The following GSG1L variants were observed in gnomAD, a reference collection of about 807,000 sequenced individuals.
GSG1L encodes GSG1 like, also known as germ cell-specific gene 1-like protein.
GSG1L carries 24 observed loss-of-function variants against 42.1 expected under a neutral mutation model. The ratio of observed to expected loss-of-function variants is 0.57; its 90% CI spans 0.41 to 0.80. The LOEUF (loss-of-function observed/expected upper bound fraction) is 0.80, where lower values mean the gene tolerates loss of function less well. Among genes scored for constraint, GSG1L ranks in the 30% least tolerant of loss-of-function variants. The probability of loss-of-function intolerance (pLI) is 0.00; values close to 1 mark genes in which losing one functional copy is unlikely to be tolerated. For missense variants in GSG1L, 445 were observed against 472.2 expected (o/e 0.94, Z 0.53); for synonymous variants, 215 against 203.5 (o/e 1.06, Z -0.48).
intron 3 of GSG1L, among the ~76,000 whole-genome samples, chr16:27,858,727 G>A (rs1281776763): frequency 6.6e-6 from 1 of 152,218 alleles, no homozygotes; most frequent in Non-Finnish European, 1.5e-5. Flanking sequence ...GCCAAGGCAG[G>A]AGGATTGCTT....
intron 4 of GSG1L, 101 bp downstream of exon 4, chr16:27,844,848 TC>T (rs1214807425): frequency 2.2e-5 from 3 of 136,718 alleles, no homozygotes; most frequent in South Asian, 7.5e-5. Context: ...CCATTTCTCC[TC>T]CCCCCCACCG....
chr16:28,052,655 A>C (rs1369305629), intron 1 of GSG1L, among the ~76,000 whole-genome samples: 1 of 152,190 alleles, frequency 6.6e-6, no homozygotes, highest in Non-Finnish European at 1.5e-5. Flanking sequence ...AGAGCCCCCC[A>C]CTGACCTGCT....
At chr16:27,943,566 CTTTTTTTTT>C (rs11385465) in intron 2 of GSG1L, among the ~76,000 whole-genome samples, 15 of 67,720 alleles carry the variant, frequency 2.2e-4, no homozygotes, top group African/African-American at 3.0e-4. Context: ...TTCTTTGTTT[CTTTTTTTTT>C]TTTTTTTTTT....
intron 2 of GSG1L, among the ~76,000 whole-genome samples, chr16:27,894,031 G>T (rs905936301): frequency 2.0e-5 from 3 of 152,232 alleles, no homozygotes; most frequent in Non-Finnish European, 2.9e-5. Context: ...GGGATTATGG[G>T]CATGAGCCAC....
At chr16:27,883,268 A>G (rs201082383) in intron 3 of GSG1L, among the ~76,000 whole-genome samples, 7 of 23,312 alleles carry the variant, frequency 3.0e-4, no homozygotes, top group Non-Finnish European at 7.4e-4. Context: ...GATGGAGGGG[A>G]AAAAAAAAAG....
chr16:27,844,846 C>G, intron 4 of GSG1L, 104 bp downstream of exon 4: 1 of 211,166 alleles, frequency 4.7e-6, no homozygotes. Flanking sequence ...CCCCATTTCT[C>G]CTCCCCCCCA....
chr16:27,924,997 G>A (rs2084575269), intron 2 of GSG1L, among the ~76,000 whole-genome samples: 1 of 152,196 alleles, frequency 6.6e-6, no homozygotes, highest in Non-Finnish European at 1.5e-5. Context: ...GGATAGCCAT[G>A]TGGATTTAGA....
In GSG1L at chr16:27,933,840, G is replaced by C. The variant is rs532726206; in HGVS notation, c.397+29316C>G. Among the ~76,000 whole-genome samples, 5 of 152,238 alleles carry C rather than the reference G, an allele frequency of 3.3e-5. No homozygotes were observed. The South Asian group carries it at 1.0e-3, about 32-fold the overall frequency. The stretch of plus-strand genomic sequence containing the variant: ...TTCCTTGAAGTCCAAGAGAGGTTCG[G>C]AAACAGGCCTGAGGTCCCGTAGCTG... On this transcript the variant is annotated intron_variant, in intron 2 of 6. Coordinates refer to ENST00000447459, the MANE Select transcript of GSG1L (RefSeq NM_001109763.2).
chr16:27,876,149 C>T (rs1156905057), intron 3 of GSG1L, among the ~76,000 whole-genome samples: 1 of 152,150 alleles, frequency 6.6e-6, no homozygotes, highest in Non-Finnish European at 1.5e-5. Context: ...AAAATACTTG[C>T]CCTCTAAGCT....
chr16:27,860,739 G>T (rs1186754402), intron 3 of GSG1L, among the ~76,000 whole-genome samples: 3 of 152,220 alleles, frequency 2.0e-5, no homozygotes, highest in Non-Finnish European at 4.4e-5. Context: ...GAGGGGCTGG[G>T]AGTCCAGGGA....
At chr16:27,977,940 T>C (rs1424680622) in intron 1 of GSG1L, among the ~76,000 whole-genome samples, 1 of 152,204 alleles carries the variant, frequency 6.6e-6, no homozygotes, top group African/African-American at 2.4e-5. Context: ...TTTTGCAGCA[T>C]GAGAATCAAA....
At chr16:27,890,219 G>A (rs1388338321) in intron 2 of GSG1L, among the ~76,000 whole-genome samples, 1 of 152,204 alleles carries the variant, frequency 6.6e-6, no homozygotes, top group Non-Finnish European at 1.5e-5. Context: ...AGAAGAGGAC[G>A]GCCGCTGAGT....
intron 6 of GSG1L, among the ~76,000 whole-genome samples, chr16:27,797,842 A>AG (rs1439119184): frequency 4.3e-4 from 59 of 137,588 alleles, no homozygotes; most frequent in African/African-American, 1.4e-3. Flanking sequence ...AAAAAAAAAA[A>AG]AGAGAGAGAG....
rs150817294 is a variant in GSG1L at position 27,870,075 on chromosome 16, C to A, written c.550+14411G>T. Among the ~76,000 whole-genome samples, 45 of 149,398 alleles carry A rather than the reference C, an allele frequency of 3.0e-4. 3 individuals are homozygous for A. Among genetic ancestry groups the A allele is most frequent in the African/African-American group, 1.0e-3 (41 of 39,726 alleles). ...TCTGTCTCTGCCTCTCTCCATCTCTCTTTCCTTTTCTCCCTCTGTCTCCTT... is the reference window on the plus strand; with the variant it reads ...TCTGTCTCTGCCTCTCTCCATCTCTATTTCCTTTTCTCCCTCTGTCTCCTT... On this transcript the variant is annotated intron_variant, in intron 3 of 6. Coordinates refer to ENST00000447459, the MANE Select transcript of GSG1L (RefSeq NM_001109763.2).
intron 3 of GSG1L, among the ~76,000 whole-genome samples, chr16:27,867,595 C>A (rs529785540): frequency 1.9e-3 from 282 of 152,350 alleles, no homozygotes; most frequent in Non-Finnish European, 3.5e-3. Context: ...GTCAGAGACT[C>A]CAGGAGCTCA....
At chr16:27,840,050 T>C (rs922070670) in intron 4 of GSG1L, among the ~76,000 whole-genome samples, 1 of 151,682 alleles carries the variant, frequency 6.6e-6, no homozygotes, top group Non-Finnish European at 1.5e-5. Context: ...TTTTTTTTTT[T>C]TTTGAGACAG....
At chr16:27,890,190 A>G (rs932826594) in intron 2 of GSG1L, among the ~76,000 whole-genome samples, 4 of 152,176 alleles carry the variant, frequency 2.6e-5, no homozygotes, top group African/African-American at 7.2e-5. Context: ...GTCCCAAGCA[A>G]TTCTGGAACC....
At chr16:27,864,690 C>T (rs1445518622) in intron 3 of GSG1L, among the ~76,000 whole-genome samples, 1 of 152,214 alleles carries the variant, frequency 6.6e-6, no homozygotes, top group South Asian at 2.1e-4. Context: ...AGAGCCCAGA[C>T]ATGAGACCCA....
intron 6 of GSG1L, among the ~76,000 whole-genome samples, chr16:27,793,374 C>T (rs2082776401): frequency 6.6e-6 from 1 of 152,090 alleles, no homozygotes; most frequent in Non-Finnish European, 1.5e-5. Context: ...AAACATTTTG[C>T]AAACATTTTG....
Sources: allele counts gnomAD v4.1 joint callset (sites outside exome capture counted in the v4.1 genomes callset), GRCh38; gene constraint gnomAD v4.1.1; transcripts MANE v1.5; gene names NCBI Gene and HGNC (gene_info 2026-07-23, HGNC 2026-07-21).